Variants in PRKN observed in about 807,000 individuals in gnomAD.
PRKN encodes the protein parkin RBR E3 ubiquitin protein ligase.
In PRKN, 56 loss-of-function variants were observed where a neutral mutation model predicts 59.5. The observed-to-expected ratio is 0.94, with a 90% CI of 0.76 to 1.18. The LOEUF (loss-of-function observed/expected upper bound fraction) is 1.18, where lower values mean the gene tolerates loss of function less well. Among genes scored for constraint, PRKN ranks in the 50% most tolerant of loss-of-function variants. PRKN has a pLI of 0.00. For synonymous variants in PRKN, 250 were observed against 222.1 expected (o/e 1.13, Z -1.12); for missense variants, 657 against 596.4 (o/e 1.10, Z -1.06).
chr6:162,447,009 G>A (rs1790346186), intron 1 of PRKN, among the ~76,000 whole-genome samples: 1 of 152,184 alleles, frequency 6.6e-6, no homozygotes, highest in Non-Finnish European at 1.5e-5. Context: ...TGGCCACCTT[G>A]ACTGTTAGCT....
At chr6:161,722,771 T>A (rs1285171018) in intron 7 of PRKN, among the ~76,000 whole-genome samples, 1 of 152,208 alleles carries the variant, frequency 6.6e-6, no homozygotes, top group Non-Finnish European at 1.5e-5. Flanking sequence ...TGTCTATGCC[T>A]CTTATTTAAG....
chr6:161,803,615 T>C lies in PRKN; in HGVS notation c.735-17707A>G, dbSNP rs142580364. On this transcript the variant is annotated intron_variant, in intron 6 of 11. Transcript: ENST00000366898. ...GCTCAACTCGGGTGGAGCCGAGAGG[T>C]GTGAGAAGGCTGGACGTAGTGTCAG... Among the ~76,000 whole-genome samples, 11 of 152,090 alleles carry C rather than the reference T, an allele frequency of 7.2e-5. No individual in the cohort carries two copies. In the East Asian group the frequency reaches 2.1e-3, roughly 29 times the overall value.
chr6:162,617,579 T>C (rs1782481816), intron 1 of PRKN, among the ~76,000 whole-genome samples: 2 of 92,036 alleles, frequency 2.2e-5, no homozygotes, highest in East Asian at 2.6e-4. Context: ...AATTATTCCT[T>C]CTGTCTAGCT....
chr6:162,045,428 G>A (rs1348306089), intron 5 of PRKN, among the ~76,000 whole-genome samples: 3 of 152,140 alleles, frequency 2.0e-5, no homozygotes, highest in East Asian at 1.9e-4. Context: ...CAGATGATCC[G>A]AAGATCCCAA....
chr6:161,383,266 G>T (rs1348099048), intron 10 of PRKN, among the ~76,000 whole-genome samples: 1 of 152,204 alleles, frequency 6.6e-6, no homozygotes, highest in African/African-American at 2.4e-5. Context: ...AAATCGAATT[G>T]GGTCATGAAA....
intron 1 of PRKN, among the ~76,000 whole-genome samples, chr6:162,669,498 G>C (rs1779238791): frequency 6.6e-6 from 1 of 152,016 alleles, no homozygotes; most frequent in African/African-American, 2.4e-5. Flanking sequence ...ATTTTTAAAA[G>C]CCCTTCCTAA....
intron 1 of PRKN, among the ~76,000 whole-genome samples, chr6:162,504,550 G>A (rs1037494257): frequency 1.3e-5 from 2 of 152,176 alleles, no homozygotes; most frequent in East Asian, 3.9e-4. Context: ...ACAGCATTCT[G>A]TATTAGTAGG....
intron 2 of PRKN, among the ~76,000 whole-genome samples, chr6:162,333,644 C>T (rs1466790158): frequency 1.3e-5 from 2 of 152,170 alleles, no homozygotes; most frequent in Non-Finnish European, 2.9e-5. Context: ...CTGTCTTTCT[C>T]CTCAGGTGTG....
At chr6:161,668,233 A>T (rs1012443982) in intron 7 of PRKN, among the ~76,000 whole-genome samples, 2 of 151,516 alleles carry the variant, frequency 1.3e-5, no homozygotes, top group African/African-American at 4.8e-5. Context: ...CTCCCATTAA[A>T]AAAAAAAAGA....
chr6:162,613,681 A>C (rs1782284056), intron 1 of PRKN, among the ~76,000 whole-genome samples: 1 of 152,226 alleles, frequency 6.6e-6, no homozygotes, highest in South Asian at 2.1e-4. Flanking sequence ...CCCTAAGAAA[A>C]AAATGAAAAA....
chr6:162,534,805 G>C (rs1256505225), intron 1 of PRKN, among the ~76,000 whole-genome samples: 5 of 152,154 alleles, frequency 3.3e-5, no homozygotes, highest in Non-Finnish European at 7.3e-5. Flanking sequence ...GACTGCATCT[G>C]TAAGGTCCTG....
intron 1 of PRKN, among the ~76,000 whole-genome samples, chr6:162,525,222 CTGTG>C (rs547901103): frequency 6.6e-4 from 100 of 152,170 alleles, no homozygotes; most frequent in African/African-American, 2.3e-3. Flanking sequence ...CTCTGACCCT[CTGTG>C]TGTGTGTATT....
intron 7 of PRKN, among the ~76,000 whole-genome samples, chr6:161,714,439 C>G (rs144031216): frequency 6.6e-6 from 1 of 152,182 alleles, no homozygotes; most frequent in East Asian, 1.9e-4. Flanking sequence ...TGTGAAGACA[C>G]AGCAAGGAGG....
At chr6:161,873,283 C>G (rs1042364793) in intron 6 of PRKN, among the ~76,000 whole-genome samples, 116 of 151,948 alleles carry the variant, frequency 7.6e-4, no homozygotes, top group African/African-American at 2.6e-3. Context: ...CTCTCCTACC[C>G]CAGACACTCA....
chr6:161,603,095 T>G (rs2128143930), intron 7 of PRKN, among the ~76,000 whole-genome samples: 1 of 152,246 alleles, frequency 6.6e-6, no homozygotes, highest in Non-Finnish European at 1.5e-5. Flanking sequence ...ATCACAACAT[T>G]AAGGGTTGGA....
intron 7 of PRKN, among the ~76,000 whole-genome samples, chr6:161,669,764 C>T (rs56016730): frequency 6.6e-6 from 1 of 152,150 alleles, no homozygotes; most frequent in Non-Finnish European, 1.5e-5. Flanking sequence ...ACTGTTTCTA[C>T]ATGTGGTGTG....
At chr6:161,860,595 T>C (rs1793857152) in intron 6 of PRKN, among the ~76,000 whole-genome samples, 2 of 151,678 alleles carry the variant, frequency 1.3e-5, no homozygotes, top group East Asian at 1.9e-4. Flanking sequence ...TTGGAGTCTG[T>C]TTTTTTTCTT....
chr6:161,898,523 C>A (rs1019786944), intron 6 of PRKN, among the ~76,000 whole-genome samples: 1 of 152,176 alleles, frequency 6.6e-6, no homozygotes, highest in Non-Finnish European at 1.5e-5. Flanking sequence ...ACAATTTGTG[C>A]TCCTCACAGC....
chr6:161,783,686 C>T (rs1216427206), intron 7 of PRKN: 1 of 506,618 alleles, frequency 2.0e-6, no homozygotes, highest in Non-Finnish European at 3.9e-6. Context: ...AGAAGGCTTA[C>T]CAAAACAAAA....
Sources: allele counts gnomAD v4.1 joint callset (sites outside exome capture counted in the v4.1 genomes callset), GRCh38; gene constraint gnomAD v4.1.1; transcripts MANE v1.5; gene names NCBI Gene and HGNC (gene_info 2026-07-23, HGNC 2026-07-21).